The following GFRA3 variants were observed in gnomAD, a reference collection of about 807,000 sequenced individuals.
GFRA3 encodes GDNF family receptor alpha 3.
Under a neutral mutation model 40.0 loss-of-function variants are expected in GFRA3, and 24 were observed. That is an observed-to-expected ratio of 0.60 (90% CI 0.43 to 0.84). GFRA3 has a LOEUF of 0.84. Among genes scored for constraint, GFRA3 ranks in the 40% least tolerant of loss-of-function variants. The pLI, the probability that GFRA3 is intolerant of heterozygous loss-of-function variation, is 0.00. For missense variants in GFRA3, 405 were observed against 530.6 expected, an observed-to-expected ratio of 0.76 and a Z score of 2.33; for synonymous variants, 203 against 213.5, an observed-to-expected ratio of 0.95 and a Z score of 0.43.
intron 4 of GFRA3, among the ~76,000 whole-genome samples, chr5:138,256,946 C>CAA (rs11439851): frequency 0.34 from 44,691 of 132,628 alleles, 8,003 homozygotes; most frequent in South Asian, 0.44. Flanking sequence ...GACTCTGTCT[C>CAA]AAAAAAAAAA....
chr5:138,257,954 G>A lies in GFRA3; in HGVS notation c.473-3C>T. On this transcript the variant is annotated splice_polypyrimidine_tract_variant and splice_region_variant and intron_variant, in intron 3 of 7. Coordinates refer to ENST00000274721, the MANE Select transcript of GFRA3 (RefSeq NM_001496.4). Reference sequence around the variant, plus strand: ...AAACTTGAGGCAGAGGTCTGAGTCTGGGGGGAAAGGGCACGGAGTCAGTCG... The same window carrying A: ...AAACTTGAGGCAGAGGTCTGAGTCTAGGGGGAAAGGGCACGGAGTCAGTCG... The A allele has an allele frequency of 6.2e-7, 1 of 1,612,028 alleles. No homozygotes were observed. The highest frequency in any genetic ancestry group is 8.5e-7 in the Non-Finnish European group (1 of 1,178,566).
Position 138,253,916 on chromosome 5 carries a change from G to T in GFRA3, c.890-16C>A. ...ATGGCAGTCCCTGTGAAGAGGGAAAGGGTAGTCAAGGCCTAGGCTAACCCT... is the reference window on the plus strand; with the variant it reads ...ATGGCAGTCCCTGTGAAGAGGGAAATGGTAGTCAAGGCCTAGGCTAACCCT... On this transcript the variant is annotated splice_polypyrimidine_tract_variant and intron_variant, in intron 5 of 7. Coordinates refer to ENST00000274721, the MANE Select transcript of GFRA3 (RefSeq NM_001496.4). 1 of 1,612,046 alleles carries T rather than the reference G, an allele frequency of 6.2e-7. No homozygotes were observed. The highest frequency in any genetic ancestry group is 1.1e-5 in the South Asian group (1 of 91,008).
chr5:138,273,665 A>T (rs1353942690), intron 1 of GFRA3, among the ~76,000 whole-genome samples: 1 of 151,928 alleles, frequency 6.6e-6, no homozygotes, highest in Non-Finnish European at 1.5e-5. Context: ...AAGATTCCAC[A>T]CACCCATACC....
At chr5:138,271,859 T>C (rs977591095) in intron 1 of GFRA3, among the ~76,000 whole-genome samples, 2 of 144,258 alleles carry the variant, frequency 1.4e-5, no homozygotes, top group African/African-American at 5.3e-5. Flanking sequence ...ATTATAGGCG[T>C]GAGCCACCAT....
At chr5:138,262,577 C>T (rs1291275042) in intron 2 of GFRA3, among the ~76,000 whole-genome samples, 3 of 152,110 alleles carry the variant, frequency 2.0e-5, no homozygotes, top group Non-Finnish European at 4.4e-5. Flanking sequence ...CTCAGCCTCC[C>T]GAGTAGCTGG....
intron 4 of GFRA3, 54 bp downstream of exon 4, chr5:138,257,585 G>A (rs1417491523): frequency 5.4e-6 from 8 of 1,486,148 alleles, no homozygotes; most frequent in African/African-American, 1.4e-5. Context: ...ACGTGGCCAG[G>A]AAGGAGTGGC....
intron 1 of GFRA3, among the ~76,000 whole-genome samples, chr5:138,271,862 G>A (rs1755873170): frequency 1.4e-5 from 2 of 139,182 alleles, no homozygotes; most frequent in East Asian, 2.0e-4. Context: ...ATAGGCGTGA[G>A]CCACCATTCC....
intron 1 of GFRA3, among the ~76,000 whole-genome samples, chr5:138,265,740 G>A (rs974030097): frequency 6.6e-6 from 1 of 151,814 alleles, no homozygotes. Context: ...TATCTCCCAG[G>A]CTGGAGTGCA....
In GFRA3 at chr5:138,253,319, GC is replaced by G. The variant is rs767815745; in HGVS notation, c.1080del (p.Trp360CysfsTer8). Reference sequence around the variant, plus strand: ...GCCATCACAGCAAAGGTAGGGTGTGGCCAGTCCTGGGAGAAGAGTTGGCTGT... The same window carrying G: ...GCCATCACAGCAAAGGTAGGGTGTGGCAGTCCTGGGAGAAGAGTTGGCTGT... ...RFHSQLFSQD[W>X]PHPTFAVMAH... On this transcript the variant is annotated frameshift_variant, in exon 7 of 8. Transcript: ENST00000274721. LOFTEE classifies it low-confidence loss of function (END_TRUNC). The G allele has an allele frequency of 6.2e-7, 1 of 1,603,036 alleles. No individual in the cohort carries two copies.
intron 1 of GFRA3, 38 bp downstream of exon 1, chr5:138,274,296 C>G: frequency 1.5e-6 from 2 of 1,319,526 alleles, no homozygotes; most frequent in Non-Finnish European, 1.9e-6. Context: ...CCTCCCCCTC[C>G]CACTGTACCC....
chr5:138,272,687 G>C (rs1581516259), intron 1 of GFRA3, among the ~76,000 whole-genome samples: 1 of 151,836 alleles, frequency 6.6e-6, no homozygotes, highest in Non-Finnish European at 1.5e-5. Context: ...TTTCCAATTT[G>C]TCTTGAAAAA....
chr5:138,254,123 T>G lies in GFRA3; in HGVS notation c.823A>C (p.Met275Leu), dbSNP rs776114581. Residue 275 changes from methionine (M) to leucine (L), a missense_variant, in exon 5 of 8, where the codon ATG becomes CTG. Transcript: ENST00000274721. Reference sequence around the variant, plus strand: ...GTTGCACAAGTTCCTAGGATGTCCATGGGATGGCAGTGGGTCTGGAAATCC... The same window carrying G: ...GTTGCACAAGTTCCTAGGATGTCCAGGGGATGGCAGTGGGTCTGGAAATCC... ...LVDFQTHCHP[M>L]DILGTCATEQ... is the part of the protein sequence containing the mutation. 6.2e-7 allele frequency: 1 copy of G among 1,611,610 alleles called. No homozygotes were observed. Among genetic ancestry groups the G allele is most frequent in the East Asian group, 2.2e-5 (1 of 44,830 alleles).
chr5:138,254,005 T>C, intron 5 of GFRA3, 52 bp downstream of exon 5: 2 of 1,558,670 alleles, frequency 1.3e-6, no homozygotes, highest in Non-Finnish European at 1.8e-6. Flanking sequence ...GGAGCATTCT[T>C]ACCCTCAGGC....
chr5:138,263,012 T>C (rs1199209250), intron 2 of GFRA3, among the ~76,000 whole-genome samples: 1 of 152,202 alleles, frequency 6.6e-6, no homozygotes, highest in Admixed American at 6.6e-5. Flanking sequence ...TCGCCCAGGC[T>C]AGAGTGCAGT....
At chr5:138,254,978 G>C (rs1581506455) in intron 4 of GFRA3, among the ~76,000 whole-genome samples, 1 of 150,998 alleles carries the variant, frequency 6.6e-6, no homozygotes, top group South Asian at 2.1e-4. Context: ...AGAGAGAAGA[G>C]AAGGAGAAAA....
chr5:138,265,765 G>A (rs1212400963), intron 1 of GFRA3, among the ~76,000 whole-genome samples: 1 of 152,100 alleles, frequency 6.6e-6, no homozygotes, highest in Non-Finnish European at 1.5e-5. Context: ...CACGATCACA[G>A]CTCACTGCAG....
At chr5:138,259,061 T>C (rs1038966419) in intron 3 of GFRA3, among the ~76,000 whole-genome samples, 8 of 152,214 alleles carry the variant, frequency 5.3e-5, no homozygotes, top group Admixed American at 3.3e-4. Flanking sequence ...CTGAAAAACA[T>C]GCAACACAGT....
chr5:138,263,642 C>T (rs1466020914), intron 2 of GFRA3, among the ~76,000 whole-genome samples: 1 of 152,192 alleles, frequency 6.6e-6, no homozygotes, highest in East Asian at 1.9e-4. Flanking sequence ...AGAGGCTGCA[C>T]CTTGAGCCTG....
chr5:138,272,434 T>C (rs905106633), intron 1 of GFRA3, among the ~76,000 whole-genome samples: 12 of 148,446 alleles, frequency 8.1e-5, no homozygotes, highest in African/African-American at 3.0e-4. Flanking sequence ...GAGCCCAGGA[T>C]TCAAGATCAG....
Sources: allele counts gnomAD v4.1 joint callset (sites outside exome capture counted in the v4.1 genomes callset), GRCh38; gene constraint gnomAD v4.1.1; transcripts MANE v1.5; gene names NCBI Gene and HGNC (gene_info 2026-07-23, HGNC 2026-07-21).